Variants in AKAP13 observed in about 807,000 individuals in gnomAD.
AKAP13 encodes A-kinase anchoring protein 13.
A neutral mutation model predicts 264.5 loss-of-function variants in AKAP13; 80 were observed. That is an observed-to-expected ratio of 0.30 (90% CI 0.25 to 0.36). AKAP13 has a LOEUF of 0.36. Ranked by LOEUF, AKAP13 falls within the 10% of genes least tolerant of loss-of-function variation. The pLI, the probability that AKAP13 is intolerant of heterozygous loss-of-function variation, is 1.00. For synonymous variants in AKAP13, 1,380 were observed against 1,250.2 expected, an observed-to-expected ratio of 1.10 and a Z score of -2.19; for missense variants, 3,712 against 3,435.2, an observed-to-expected ratio of 1.08 and a Z score of -2.01.
In AKAP13 at chr15:85,580,809, T is replaced by C. The variant is rs749062103; in HGVS notation, c.2741T>C (p.Leu914Pro). ...TCAGTTTTGACTGAAGAAGGAAAACTTCTGGTGGTTTCAGAAAGCTCTGCA... is the reference window on the plus strand; with the variant it reads ...TCAGTTTTGACTGAAGAAGGAAAACCTCTGGTGGTTTCAGAAAGCTCTGCA... The part of the protein sequence containing the change: ...LDSVLTEEGK[L>P]LVVSESSAAQ... The change falls in exon 7 of 37, where the codon CTT becomes CCT. Residue 914 changes from leucine to proline, a missense_variant. Transcript: ENST00000394518. 6.2e-7 allele frequency: 1 copy of C among 1,614,084 alleles called. No individual in the cohort carries two copies. The highest frequency in any genetic ancestry group is 8.5e-7 in the Non-Finnish European group (1 of 1,180,028).
At chr15:85,395,734 T>C (rs1458575975) in intron 1 of AKAP13, among the ~76,000 whole-genome samples, 1 of 152,138 alleles carries the variant, frequency 6.6e-6, no homozygotes, top group Non-Finnish European at 1.5e-5. Flanking sequence ...GGATTTGAGT[T>C]GTACTGTTTT....
chr15:85,697,925 C>G (rs556607134), intron 17 of AKAP13, among the ~76,000 whole-genome samples: 1 of 152,270 alleles, frequency 6.6e-6, no homozygotes, highest in Admixed American at 6.5e-5. Flanking sequence ...GTTCATTTGA[C>G]TGAATTCTGC....
chr15:85,670,727 C>G (rs1216785705), intron 14 of AKAP13: 1 of 151,898 alleles, frequency 6.6e-6, no homozygotes, highest in Admixed American at 6.6e-5. Flanking sequence ...ATGTCAAGCT[C>G]AAGAAGGACA....
At chr15:85,592,517 G>T (rs1567144625) in intron 8 of AKAP13, among the ~76,000 whole-genome samples, 2 of 152,068 alleles carry the variant, frequency 1.3e-5, no homozygotes, top group Non-Finnish European at 2.9e-5. Flanking sequence ...ATAGTTTTGT[G>T]GTGTGTGTGT....
Position 85,708,801 on chromosome 15 carries a change from G to C in AKAP13, c.5532+715G>C, listed in dbSNP as rs1257346165. Among the ~76,000 whole-genome samples the C allele has an allele frequency of 3.3e-5, 5 of 152,270 alleles. No homozygotes were observed. The highest frequency in any genetic ancestry group is 2.0e-4 in the Admixed American group (3 of 15,296). Reference sequence around the variant, plus strand: ...GACACAGATGATTAATGAGCTGTGTGCTTCGTCAGTCACCAAACACAGTTA... The same window carrying C: ...GACACAGATGATTAATGAGCTGTGTCCTTCGTCAGTCACCAAACACAGTTA... On this transcript the variant is annotated intron_variant, in intron 18 of 36. Coordinates refer to ENST00000394518, the MANE Select transcript of AKAP13 (RefSeq NM_007200.5). This position sits in a 1 kb window ranked among gnomAD's most constrained non-coding sequence, Gnocchi z 4.3.
rs773941214 is a variant in AKAP13, at chr15:85,741,388, C to G, written c.7951C>G (p.Leu2651Val). The G allele has an allele frequency of 2.4e-5, 39 of 1,613,900 alleles. No individual in the cohort carries two copies. Among genetic ancestry groups the G allele is most frequent in the Non-Finnish European group, 3.2e-5 (38 of 1,179,962 alleles). Reference protein sequence around the residue: ...QQKKGTYQYDLERLRAAQKQL... With the variant: ...QQKKGTYQYDVERLRAAQKQL... ...GAAGAAGGGCACATACCAGTATGAC[C>G]TGGAGCGACTGCGTGCTGCCCAGAA... Residue 2651 changes from leucine (L) to valine (V), a missense_variant, in exon 35 of 37, where the codon CTG (leucine) becomes GTG (valine). Leu to Val is a conservative substitution (Grantham distance 32). Coordinates refer to ENST00000394518, the MANE Select transcript of AKAP13 (RefSeq NM_007200.5).
chr15:85,740,915 G>T, intron 34 of AKAP13, 131 bp from the exon 35 acceptor site: 3 of 1,422,880 alleles, frequency 2.1e-6, no homozygotes, highest in Non-Finnish European at 1.9e-6. Flanking sequence ...TATGAGACGG[G>T]CTTGAAAAAT....
chr15:85,461,411 C>T (rs994045983), intron 1 of AKAP13, among the ~76,000 whole-genome samples: 3 of 152,144 alleles, frequency 2.0e-5, no homozygotes, highest in African/African-American at 4.8e-5. Flanking sequence ...CCACTGCGCC[C>T]GGCCCGTTAT....
chr15:85,736,182 G>A (rs376942117), intron 33 of AKAP13, 48 bp downstream of exon 33: 1 of 1,434,094 alleles, frequency 7.0e-7, no homozygotes, highest in Non-Finnish European at 9.7e-7. Context: ...TGTTGTCATT[G>A]TCAAGTTAGG....
rs1029614361 is a variant in AKAP13, at chr15:85,681,835, C to A, written c.5102-323C>A. Among the ~76,000 whole-genome samples the A allele has an allele frequency of 1.1e-4, 16 of 152,092 alleles. No individual in the cohort carries two copies. In the East Asian group the frequency reaches 3.1e-3, roughly 29 times the overall value. On this transcript the variant is annotated intron_variant, in intron 14 of 36. Transcript: ENST00000394518. ...ATCTCAGAAGGATGGTTTGTGCAAA[C>A]TGAAGATTGATAAGAACTGGAATTA...
At chr15:85,582,190 G>C in intron 7 of AKAP13, 83 bp downstream of exon 7, 1 of 1,437,506 alleles carries the variant, frequency 7.0e-7, no homozygotes, top group Non-Finnish European at 9.2e-7. Flanking sequence ...AAAAATATAG[G>C]CATCTTTGTT....
chr15:85,437,734 A>G (rs577392461), intron 1 of AKAP13, among the ~76,000 whole-genome samples: 65 of 152,358 alleles, frequency 4.3e-4, no homozygotes, highest in Non-Finnish European at 7.5e-4. Context: ...GGTTATCTCA[A>G]TAGATGCAGA....
chr15:85,415,683 C>T lies in AKAP13; in HGVS notation c.-12+34885C>T, dbSNP rs374306230. On this transcript the variant is annotated intron_variant, in intron 1 of 36. Transcript: ENST00000394518. ...GGAGTTAACTAAGAGAATGACCAAG[C>T]TCAGTTCAATGAGCAAATCTCCATA... 9 of 1,036,018 alleles carry T rather than the reference C, an allele frequency of 8.7e-6. No homozygotes were observed. The African/African-American group carries it at 1.4e-4, about 16-fold the overall frequency. 64.2% of individuals were successfully genotyped at this position (1,036,018 alleles called of 1,614,324 possible).
rs199543974 is a variant in AKAP13 at position 85,406,409 on chromosome 15, T to G, written c.-12+25611T>G. 1.9e-3 allele frequency among the ~76,000 whole-genome samples: 263 copies of G among 141,182 alleles called. 9 individuals carry two copies. Among genetic ancestry groups the G allele is most frequent in the Middle Eastern group, 7.2e-3 (2 of 278 alleles). The allele number at this position is 141,182 out of a possible 152,430, so 92.6% of individuals were successfully genotyped here. A position where few individuals can be genotyped will look rare whatever the true frequency, so the allele number is the denominator to read the frequency against. On this transcript the variant is annotated intron_variant, in intron 1 of 36. Coordinates refer to ENST00000394518, the MANE Select transcript of AKAP13 (RefSeq NM_007200.5). ...GACTAGAAAATAGTTTTTTTTTTTG[T>G]TTTTTTTTTGGAGCTGCAGTTCCAC... is the stretch of plus-strand genomic sequence containing the variant.
chr15:85,533,006 T>C (rs908303147), intron 3 of AKAP13, among the ~76,000 whole-genome samples: 13 of 152,248 alleles, frequency 8.5e-5, no homozygotes, highest in Non-Finnish European at 7.3e-5. Context: ...ACAAAAATCA[T>C]TACTTATTTT....
intron 1 of AKAP13, among the ~76,000 whole-genome samples, chr15:85,454,608 A>C (rs1007764878): frequency 6.6e-6 from 1 of 152,148 alleles, no homozygotes; most frequent in African/African-American, 2.4e-5. Flanking sequence ...AGCTGCCTCT[A>C]GTCGGCTCTG....
intron 5 of AKAP13, among the ~76,000 whole-genome samples, chr15:85,562,691 C>CTTTTTTTTTTTTTTTTTTTT: frequency 9.9e-6 from 1 of 100,520 alleles, no homozygotes; most frequent in Non-Finnish European, 1.9e-5. Flanking sequence ...CTTTTCTTTT[C>CTTTTTTTTTTTTTTTTTTTT]TTTTTTTTTT....
chr15:85,541,798 T>C (rs2077588261), intron 4 of AKAP13, among the ~76,000 whole-genome samples: 1 of 152,234 alleles, frequency 6.6e-6, no homozygotes, highest in African/African-American at 2.4e-5. Context: ...CATTGTTTTC[T>C]CCTAATCTGT....
intron 1 of AKAP13, 53 bp from the exon 2 acceptor site, chr15:85,485,657 A>G (rs2075516924): frequency 3.2e-6 from 5 of 1,552,538 alleles, no homozygotes; most frequent in Non-Finnish European, 2.7e-6. Flanking sequence ...TGGCTTATAT[A>G]TTTTCGGTGA....
Sources: allele counts gnomAD v4.1 joint callset (sites outside exome capture counted in the v4.1 genomes callset), GRCh38; gene constraint gnomAD v4.1.1; non-coding constraint Gnocchi (gnomAD v3.1); transcripts MANE v1.5; gene names NCBI Gene and HGNC (gene_info 2026-07-23, HGNC 2026-07-21).